Variants in SCFD2 observed in about 807,000 individuals in gnomAD.
SCFD2 encodes sec1 family domain-containing protein 2.
SCFD2 carries 54 observed loss-of-function variants against 58.9 expected under a neutral mutation model. The ratio of observed to expected loss-of-function variants is 0.92; its 90% CI spans 0.74 to 1.15. SCFD2 has a LOEUF of 1.15. SCFD2 is among the 50% of genes most tolerant of loss of function. The pLI, the probability that SCFD2 is intolerant of heterozygous loss-of-function variation, is 0.00. For synonymous variants in SCFD2, 321 were observed against 335.9 expected (o/e 0.96, Z 0.49); for missense variants, 805 against 836.6 (o/e 0.96, Z 0.47).
At chr4:52,932,331 T>C (rs1720016907) in intron 5 of SCFD2, among the ~76,000 whole-genome samples, 1 of 152,222 alleles carries the variant, frequency 6.6e-6, no homozygotes, top group Non-Finnish European at 1.5e-5. Context: ...TCACAGCTAA[T>C]TGTCCATTTG....
intron 4 of SCFD2, among the ~76,000 whole-genome samples, chr4:53,271,237 C>T (rs144342785): frequency 1.3e-5 from 2 of 151,986 alleles, no homozygotes; most frequent in African/African-American, 4.8e-5. Context: ...CAATATATAA[C>T]AGGAGACATA....
intron 2 of SCFD2, among the ~76,000 whole-genome samples, chr4:53,352,348 A>G (rs17705995): frequency 0.12 from 18,205 of 152,208 alleles, 1,137 homozygotes; most frequent in Non-Finnish European, 0.15. Flanking sequence ...CACTTAACCA[A>G]TCCTGGGAAC....
At chr4:53,180,129 C>A (rs985332731) in intron 4 of SCFD2, among the ~76,000 whole-genome samples, 1 of 152,204 alleles carries the variant, frequency 6.6e-6, no homozygotes, top group Non-Finnish European at 1.5e-5. Flanking sequence ...AGGAATTGAA[C>A]TCAGCTCTGC....
intron 4 of SCFD2, among the ~76,000 whole-genome samples, chr4:53,255,482 A>C (rs2149046093): frequency 6.6e-6 from 1 of 152,206 alleles, no homozygotes; most frequent in East Asian, 1.9e-4. Context: ...TAATCCATTT[A>C]ACCCTGAGTG....
At chr4:53,230,099 G>A (rs1021224490) in intron 4 of SCFD2, among the ~76,000 whole-genome samples, 54 of 152,052 alleles carry the variant, frequency 3.6e-4, no homozygotes, top group Admixed American at 2.6e-3. Context: ...TTAGAATGGC[G>A]ATCATTAAAA....
chr4:53,337,884 TAAAC>T lies in SCFD2; in HGVS notation c.1007+14710_1007+14713del, dbSNP rs1021402585. Among the ~76,000 whole-genome samples the T allele has an allele frequency of 1.2e-4, 18 of 152,322 alleles. 1 individual carries two copies. Among genetic ancestry groups the T allele is most frequent in the African/African-American group, 3.6e-4 (15 of 41,578 alleles). On this transcript the variant is annotated intron_variant, in intron 2 of 8. Transcript: ENST00000401642. ...ATTTTGCTTCAGTAAAAAAAATGCA[TAAAC>T]AGACTATTTAATAATCTGCCTTTCA... is the stretch of plus-strand genomic sequence containing the variant.
At chr4:52,918,762 A>G (rs911569395) in intron 6 of SCFD2, among the ~76,000 whole-genome samples, 3 of 152,166 alleles carry the variant, frequency 2.0e-5, no homozygotes, top group African/African-American at 7.2e-5. Context: ...CTGCCACCCA[A>G]TTGATCATGG....
chr4:52,885,050 A>T (rs1718702570), intron 8 of SCFD2, among the ~76,000 whole-genome samples: 1 of 152,188 alleles, frequency 6.6e-6, no homozygotes, highest in African/African-American at 2.4e-5. Flanking sequence ...CCCATAAAAT[A>T]GAAACGTCTA....
intron 5 of SCFD2, among the ~76,000 whole-genome samples, chr4:52,975,525 G>A (rs1721231991): frequency 6.6e-6 from 1 of 152,130 alleles, no homozygotes; most frequent in East Asian, 1.9e-4. Context: ...GAAACAACAG[G>A]TGCTGGAGAG....
intron 5 of SCFD2, among the ~76,000 whole-genome samples, chr4:53,111,639 T>G (rs976951677): frequency 6.6e-5 from 10 of 152,138 alleles, no homozygotes; most frequent in Non-Finnish European, 8.8e-5. Context: ...GTAAGCTGAA[T>G]TTTTGCATTT....
chr4:53,254,145 A>G lies in SCFD2; in HGVS notation c.1311+19681T>C, dbSNP rs139497600. Among the ~76,000 whole-genome samples, 714 of 152,280 alleles carry G rather than the reference A, an allele frequency of 4.7e-3. 4 individuals carry two copies. Among genetic ancestry groups the G allele is most frequent in the African/African-American group, 0.016 (665 of 41,550 alleles). On this transcript the variant is annotated intron_variant, in intron 4 of 8. Transcript: ENST00000401642. Reference sequence around the variant, plus strand: ...TCAGAAAAAATAACTATTGAGTACCAGGCTGAATGAATGATATGATTTGGC... The same window carrying G: ...TCAGAAAAAATAACTATTGAGTACCGGGCTGAATGAATGATATGATTTGGC...
intron 3 of SCFD2, among the ~76,000 whole-genome samples, chr4:53,293,680 G>A (rs560435895): frequency 7.9e-5 from 12 of 152,010 alleles, no homozygotes; most frequent in South Asian, 2.1e-4. Context: ...AATCAATGGC[G>A]AACAACTGAA....
At chr4:53,327,577 G>A (rs985934517) in intron 2 of SCFD2, among the ~76,000 whole-genome samples, 5 of 152,164 alleles carry the variant, frequency 3.3e-5, no homozygotes, top group African/African-American at 1.2e-4. Context: ...GCATGGGGCA[G>A]GATGCGTTTA....
At chr4:53,247,859 C>T (rs1577892121) in intron 4 of SCFD2, among the ~76,000 whole-genome samples, 1 of 90,098 alleles carries the variant, frequency 1.1e-5, no homozygotes, top group Non-Finnish European at 2.0e-5. Flanking sequence ...CAGAGCGAGA[C>T]TCCGTCTCAA....
intron 5 of SCFD2, among the ~76,000 whole-genome samples, chr4:52,921,578 G>A (rs768743571): frequency 1.3e-5 from 2 of 152,000 alleles, no homozygotes; most frequent in Admixed American, 1.3e-4. Flanking sequence ...CTCATTAATC[G>A]TCACATCATC....
intron 5 of SCFD2, among the ~76,000 whole-genome samples, chr4:53,008,903 A>C (rs1305398830): frequency 6.6e-6 from 1 of 152,120 alleles, no homozygotes; most frequent in Non-Finnish European, 1.5e-5. Flanking sequence ...AACTTAAATG[A>C]GTTTCTTCTA....
At chr4:53,146,168 G>A (rs17082455) in intron 4 of SCFD2, among the ~76,000 whole-genome samples, 3,076 of 152,252 alleles carry the variant, frequency 0.02, 116 homozygotes, top group African/African-American at 0.07. Context: ...GAGTGAGTCA[G>A]TAGATAACTC....
At chr4:53,094,098 A>T (rs1724549829) in intron 5 of SCFD2, among the ~76,000 whole-genome samples, 1 of 152,156 alleles carries the variant, frequency 6.6e-6, no homozygotes, top group Admixed American at 6.6e-5. Flanking sequence ...AACATTAGAA[A>T]AGTCACATAA....
At position 53,187,998 on chromosome 4, in the gene SCFD2, T is replaced by C. The variant is rs545808408; in HGVS notation, c.1312-42416A>G. Among the ~76,000 whole-genome samples, 140 of 152,256 alleles carry C rather than the reference T, an allele frequency of 9.2e-4. 1 individual carries two copies. Among genetic ancestry groups the C allele is most frequent in the Admixed American group, 4.0e-3 (61 of 15,262 alleles). ...GCTCCTTATAAAAGTCATACAGTAA[T>C]GAGCTTCAGCCCACAGGTTCTATTG... On this transcript the variant is annotated intron_variant, in intron 4 of 8. Transcript: ENST00000401642.
Sources: gnomAD v4.1 joint callset for allele counts (sites outside exome capture counted in the v4.1 genomes callset) on GRCh38, gnomAD v4.1.1 for gene constraint, MANE v1.5 for transcripts, NCBI Gene and HGNC (gene_info 2026-07-23, HGNC 2026-07-21) for gene names.